ANO4: variants seen among roughly 807,000 people sequenced by gnomAD.
ANO4 encodes the protein anoctamin-4.
Under a neutral mutation model 141.9 loss-of-function variants are expected in ANO4, and 69 were observed. That is an observed-to-expected ratio of 0.49 (90% CI 0.40 to 0.59). The LOEUF is 0.59. Ranked by LOEUF, ANO4 falls within the 20% of genes least tolerant of loss-of-function variation. The probability of loss-of-function intolerance (pLI) is 0.00; values close to 1 mark genes in which losing one functional copy is unlikely to be tolerated. For missense variants in ANO4, 894 were observed against 1,162.2 expected (o/e 0.77, Z 3.36); for synonymous variants, 350 against 394.3 (o/e 0.89, Z 1.33).
chr12:101,070,162 A>G (rs1308263761), intron 14 of ANO4, among the ~76,000 whole-genome samples: 3 of 152,212 alleles, frequency 2.0e-5, no homozygotes, highest in African/African-American at 7.2e-5. Flanking sequence ...AATAGAAAAA[A>G]TAATCCTAAA....
intron 1 of ANO4, among the ~76,000 whole-genome samples, chr12:100,897,038 C>T (rs530606602): frequency 6.6e-6 from 1 of 152,222 alleles, no homozygotes; most frequent in South Asian, 2.1e-4. Flanking sequence ...AATGGTGTGG[C>T]CAAGATTTGA....
At chr12:100,842,411 ATGTG>A (rs112263464) in intron 1 of ANO4, among the ~76,000 whole-genome samples, 1 of 149,614 alleles carries the variant, frequency 6.7e-6, no homozygotes, top group African/African-American at 2.5e-5. Context: ...GTGTATGTGT[ATGTG>A]TGTGTGTGTG....
intron 7 of ANO4, among the ~76,000 whole-genome samples, chr12:100,978,330 G>A (rs1710182): frequency 0.81 from 122,925 of 152,246 alleles, 50,029 homozygotes; most frequent in African/African-American, 0.91. Flanking sequence ...CAGCCTTGGG[G>A]TGAAAACATT....
At chr12:100,819,045 A>G (rs11110535) in intron 1 of ANO4, among the ~76,000 whole-genome samples, 12 of 146,724 alleles carry the variant, frequency 8.2e-5, no homozygotes, top group African/African-American at 2.1e-4. Context: ...GTATATATAT[A>G]TGTGTATATA....
At chr12:100,950,309 A>T (rs1441670163) in intron 5 of ANO4, among the ~76,000 whole-genome samples, 1 of 152,194 alleles carries the variant, frequency 6.6e-6, no homozygotes, top group African/African-American at 2.4e-5. Context: ...TATATGTCAC[A>T]CACTTGTATT....
intron 9 of ANO4, among the ~76,000 whole-genome samples, chr12:101,031,618 A>G (rs754588805): frequency 6.6e-6 from 1 of 152,186 alleles, no homozygotes; most frequent in Non-Finnish European, 1.5e-5. Context: ...AGTGTATTCA[A>G]ATAGGAAGAG....
chr12:101,067,275 A>C (rs1423018657), intron 14 of ANO4, among the ~76,000 whole-genome samples: 3 of 152,218 alleles, frequency 2.0e-5, no homozygotes, highest in Non-Finnish European at 4.4e-5. Context: ...TGGTATAAAC[A>C]GTGTAATGAC....
chr12:101,068,931 T>C, intron 14 of ANO4: 1 of 809,584 alleles, frequency 1.2e-6, no homozygotes, highest in Non-Finnish European at 2.2e-6. Context: ...ACATCGAAGC[T>C]GCTAAGGATC....
chr12:101,022,243 C>T (rs577793295), intron 9 of ANO4, among the ~76,000 whole-genome samples: 2 of 152,260 alleles, frequency 1.3e-5, no homozygotes, highest in African/African-American at 4.8e-5. Context: ...TAAACACATT[C>T]CCATTTCTCT....
chr12:100,930,679 G>C (rs1229839409), intron 3 of ANO4, among the ~76,000 whole-genome samples: 2 of 152,122 alleles, frequency 1.3e-5, no homozygotes, highest in East Asian at 3.8e-4. Context: ...GGTTCCTGCT[G>C]TCATATCTGT....
At chr12:101,022,006 AAGCTTGGTGTG>A (rs1347339993) in intron 9 of ANO4, among the ~76,000 whole-genome samples, 1 of 150,714 alleles carries the variant, frequency 6.6e-6, no homozygotes, top group Admixed American at 6.6e-5. Flanking sequence ...AGCTGAATGC[AAGCTTGGTGTG>A]AGTCACTAGC....
chr12:101,054,912 T>G (rs1176091762), intron 14 of ANO4, among the ~76,000 whole-genome samples: 1 of 152,252 alleles, frequency 6.6e-6, no homozygotes, highest in Non-Finnish European at 1.5e-5. Flanking sequence ...GATTAAATTA[T>G]TCAATATATA....
chr12:100,863,309 G>A (rs1453262791), intron 1 of ANO4, among the ~76,000 whole-genome samples: 1 of 152,212 alleles, frequency 6.6e-6, no homozygotes, highest in East Asian at 1.9e-4. Context: ...GGCTGATACG[G>A]TAAGAACTGG....
intron 1 of ANO4, among the ~76,000 whole-genome samples, chr12:100,724,032 A>C (rs7305810): frequency 1.3e-4 from 16 of 119,876 alleles, no homozygotes; most frequent in Admixed American, 3.4e-4. Context: ...AAAAAACAAA[A>C]AAACAAAAAA....
chr12:100,853,988 GTAT>G (rs1301988229), intron 1 of ANO4, among the ~76,000 whole-genome samples: 1 of 152,124 alleles, frequency 6.6e-6, no homozygotes, highest in African/African-American at 2.4e-5. Context: ...GTTTATTTAT[GTAT>G]TATTGTTTTT....
chr12:100,781,030 A>T (rs918854149), intron 3 of ANO4, among the ~76,000 whole-genome samples: 1 of 152,224 alleles, frequency 6.6e-6, no homozygotes, highest in African/African-American at 2.4e-5. Flanking sequence ...AATTAAATAT[A>T]TGAACACAGT....
At chr12:100,765,277 G>T (rs1049224809) in intron 3 of ANO4, among the ~76,000 whole-genome samples, 1 of 151,650 alleles carries the variant, frequency 6.6e-6, no homozygotes, top group Non-Finnish European at 1.5e-5. Context: ...CTGTGGTCTT[G>T]GTCCTGATAC....
chr12:100,841,535 T>A (rs551988272), intron 1 of ANO4, among the ~76,000 whole-genome samples: 1 of 152,144 alleles, frequency 6.6e-6, no homozygotes, highest in East Asian at 1.9e-4. Context: ...GAATAATGAA[T>A]AGGGGGTTGC....
At chr12:100,875,614 TCTC>T (rs1336274484) in intron 1 of ANO4, among the ~76,000 whole-genome samples, 3 of 152,212 alleles carry the variant, frequency 2.0e-5, no homozygotes, top group Non-Finnish European at 4.4e-5. Context: ...TATTTATTGT[TCTC>T]CTGTAATGTG....
Sources: allele counts gnomAD v4.1 joint callset (sites outside exome capture counted in the v4.1 genomes callset), GRCh38; gene constraint gnomAD v4.1.1; transcripts MANE v1.5; gene names NCBI Gene and HGNC (gene_info 2026-07-23, HGNC 2026-07-21).